The following NCOA7 variants were observed in gnomAD, a reference collection of about 807,000 sequenced individuals.
NCOA7 encodes the protein 140 kDa estrogen receptor-associated protein.
NCOA7 carries 45 observed loss-of-function variants against 104.3 expected under a neutral mutation model. The ratio of observed to expected loss-of-function variants is 0.43; its 90% CI spans 0.34 to 0.55. The LOEUF (loss-of-function observed/expected upper bound fraction) is 0.55. NCOA7 is among the 20% of genes least tolerant of loss of function. The pLI, the probability that NCOA7 is intolerant of heterozygous loss-of-function variation, is 0.02. For missense variants in NCOA7, 1,041 were observed against 1,119.7 expected (o/e 0.93, Z 1.00); for synonymous variants, 398 against 402.3 (o/e 0.99, Z 0.13).
chr6:125,914,834 A>G (rs1786908044), intron 10 of NCOA7, among the ~76,000 whole-genome samples: 1 of 152,234 alleles, frequency 6.6e-6, no homozygotes, highest in Non-Finnish European at 1.5e-5. Context: ...ATTTCTTTCT[A>G]ATATTAAAAT....
chr6:125,785,078 C>T (rs892506866), intron 1 of NCOA7, among the ~76,000 whole-genome samples: 2 of 152,076 alleles, frequency 1.3e-5, no homozygotes, highest in African/African-American at 2.4e-5. Flanking sequence ...TGGCTCACGC[C>T]TGTAATCCCA....
chr6:125,879,017 T>C (rs1391237331), intron 5 of NCOA7, among the ~76,000 whole-genome samples: 1 of 152,212 alleles, frequency 6.6e-6, no homozygotes, highest in Non-Finnish European at 1.5e-5. Context: ...TGTTACCTAA[T>C]ACTTTTTTTA....
chr6:125,890,694 C>T lies in NCOA7; in HGVS notation c.1980C>T (p.Cys660=). The T allele has an allele frequency of 6.2e-7, 1 of 1,613,696 alleles. No individual in the cohort carries two copies. The highest frequency in any genetic ancestry group is 8.5e-7 in the Non-Finnish European group (1 of 1,179,814). Residue 660 remains cysteine (C), a synonymous_variant, in exon 10 of 16, where the codon TGC becomes TGT. Coordinates refer to ENST00000392477, the MANE Select transcript of NCOA7 (RefSeq NM_181782.5). ...GCAAGACCCCACCCATGTTCCTGTG[C>T]ATCAAAGTGGGAAAACCAATGAGAA... ...EKSKTPPMFL[C]IKVGKPMRKS...
At chr6:125,796,122 C>T (rs1775304818) in intron 1 of NCOA7, among the ~76,000 whole-genome samples, 1 of 151,944 alleles carries the variant, frequency 6.6e-6, no homozygotes, top group African/African-American at 2.4e-5. Flanking sequence ...ACTCATGGAG[C>T]CTTCTGCATG....
Position 125,889,892 on chromosome 6 carries a change from C to T in NCOA7, c.1838C>T (p.Thr613Ile), listed in dbSNP as rs766597149. 1.2e-6 allele frequency: 2 copies of T among 1,608,862 alleles called. No individual in the cohort carries two copies. The highest frequency in any genetic ancestry group is 1.7e-6 in the Non-Finnish European group (2 of 1,178,634). Residue 613 changes from threonine (T) to isoleucine (I), a missense_variant, in exon 9 of 16, where the codon ACT becomes ATT. Thr to Ile is a moderately conservative substitution (Grantham distance 89). Around this residue, in one of 2 missense-constraint regions of NCOA7, gnomAD observed 914 missense variants for 942.7 expected, o/e 0.97. Coordinates refer to ENST00000392477, the MANE Select transcript of NCOA7 (RefSeq NM_181782.5). The stretch of plus-strand genomic sequence containing the variant: ...GCTCTAGACTCCTCTTTGGAATCTA[C>T]TCTGGACAACAGCTGTCAAGGTGCA... ...KEALDSSLES[T>I]LDNSCQGAQM... is the part of the protein sequence containing the mutation.
chr6:125,848,965 A>G (rs1780872049), intron 2 of NCOA7, among the ~76,000 whole-genome samples: 1 of 152,338 alleles, frequency 6.6e-6, no homozygotes, highest in South Asian at 2.1e-4. Flanking sequence ...ATTTAAATCA[A>G]CTTAAAGTGG....
At chr6:125,816,678 A>T (rs980369876) in intron 2 of NCOA7, among the ~76,000 whole-genome samples, 2 of 152,236 alleles carry the variant, frequency 1.3e-5, no homozygotes, top group Admixed American at 1.3e-4. Flanking sequence ...ATAATTTTAG[A>T]TTCACATGTA....
chr6:125,923,481 G>T lies in NCOA7; in HGVS notation c.2523+647G>T, dbSNP rs79132361. ...CTTCCCGTAAGTCAGCTCAGAATGG[G>T]AGTGGAATCTGTCCAGGTTTTTTTC... On this transcript the variant is annotated intron_variant, in intron 13 of 15. Coordinates refer to ENST00000392477, the MANE Select transcript of NCOA7 (RefSeq NM_181782.5). 9.1e-3 allele frequency among the ~76,000 whole-genome samples: 1,390 copies of T among 152,288 alleles called. 29 individuals are homozygous for T. Among genetic ancestry groups the T allele is most frequent in the African/African-American group, 0.032 (1,335 of 41,560 alleles).
chr6:125,915,337 G>A lies in NCOA7; in HGVS notation c.2101G>A (p.Asp701Asn). 1 of 1,613,598 alleles carries A rather than the reference G, an allele frequency of 6.2e-7. No homozygotes were observed. The change falls in exon 11 of 16, where the codon GAT becomes AAT. Residue 701 changes from aspartate to asparagine, a missense_variant. By Grantham distance (23) the Asp-to-Asn change is conservative. This residue lies in a region of NCOA7 where 914 missense variants were observed against 942.7 expected (regional missense o/e 0.97). Transcript: ENST00000392477. The stretch of plus-strand genomic sequence containing the variant: ...TGTCACAAACGTGTTTTTCAGGGTG[G>A]ATCATTTGTACACATTCTTTGTTCA... ...YWFAVPRERVDHLYTFFVQWS... is the reference protein window; with the variant it reads ...YWFAVPRERVNHLYTFFVQWS...
At chr6:125,814,645 C>G (rs997481175) in intron 1 of NCOA7, among the ~76,000 whole-genome samples, 3 of 152,048 alleles carry the variant, frequency 2.0e-5, no homozygotes, top group African/African-American at 7.2e-5. Flanking sequence ...TGGAGACAAC[C>G]TTTTTTTATA....
At chr6:125,815,898 A>G (rs1238404219) in intron 2 of NCOA7, among the ~76,000 whole-genome samples, 1 of 152,254 alleles carries the variant, frequency 6.6e-6, no homozygotes, top group East Asian at 1.9e-4. Flanking sequence ...CTTGTCCAAC[A>G]TAAATAAATT....
At chr6:125,800,585 A>T (rs1266834387) in intron 1 of NCOA7, among the ~76,000 whole-genome samples, 1 of 152,234 alleles carries the variant, frequency 6.6e-6, no homozygotes, top group Non-Finnish European at 1.5e-5. Context: ...ATTAAACATA[A>T]ATTCTGTGTC....
chr6:125,909,163 G>C (rs1221315884), intron 10 of NCOA7, among the ~76,000 whole-genome samples: 2 of 152,370 alleles, frequency 1.3e-5, no homozygotes, highest in East Asian at 3.9e-4. Flanking sequence ...AAATGGTTCA[G>C]AAACCACTGT....
intron 2 of NCOA7, among the ~76,000 whole-genome samples, chr6:125,818,474 T>C (rs1024735013): frequency 6.6e-6 from 1 of 152,112 alleles, no homozygotes; most frequent in Non-Finnish European, 1.5e-5. Flanking sequence ...GGCACAAGGA[T>C]GAAATCAGTG....
At chr6:125,879,776 C>A (rs969443531) in intron 5 of NCOA7, among the ~76,000 whole-genome samples, 4 of 152,148 alleles carry the variant, frequency 2.6e-5, no homozygotes, top group Non-Finnish European at 5.9e-5. Context: ...GTAGGCAGAT[C>A]ACTTGAGGTC....
intron 15 of NCOA7, among the ~76,000 whole-genome samples, 157 bp from the exon 16 acceptor site, chr6:125,928,479 A>G (rs1788235937): frequency 6.6e-6 from 1 of 152,228 alleles, no homozygotes. Flanking sequence ...AAGACTGGTC[A>G]TTTAAATGAA....
At chr6:125,922,241 G>C (rs566154856) in intron 12 of NCOA7, among the ~76,000 whole-genome samples, 1 of 152,232 alleles carries the variant, frequency 6.6e-6, no homozygotes, top group Non-Finnish European at 1.5e-5. Context: ...AACACTAAAC[G>C]TCCCTGTTTT....
At chr6:125,834,277 T>C (rs535128565) in intron 2 of NCOA7, among the ~76,000 whole-genome samples, 68 of 152,322 alleles carry the variant, frequency 4.5e-4, no homozygotes, top group Middle Eastern at 3.4e-3. Context: ...ATAATACTTA[T>C]TAAATACATG....
At chr6:125,837,995 C>T (rs191305431) in intron 2 of NCOA7, among the ~76,000 whole-genome samples, 1 of 152,196 alleles carries the variant, frequency 6.6e-6, no homozygotes, top group Admixed American at 6.5e-5. Context: ...ACACGCCAGT[C>T]CCTTTGATAA....
Sources: allele counts gnomAD v4.1 joint callset (sites outside exome capture counted in the v4.1 genomes callset), GRCh38; gene constraint gnomAD v4.1.1; regional missense constraint gnomAD v4.1.1; transcripts MANE v1.5; gene names NCBI Gene and HGNC (gene_info 2026-07-23, HGNC 2026-07-21).